The following GPT variants were observed in gnomAD, a reference collection of about 807,000 sequenced individuals.
The protein encoded by GPT is glutamic--pyruvic transaminase, also known as alanine aminotransferase 1.
In GPT, 60 loss-of-function variants were observed where a neutral mutation model predicts 51.4. The ratio of observed to expected loss-of-function variants is 1.17; its 90% CI spans 0.95 to 1.45. The LOEUF is 1.45. Ranked by LOEUF, GPT falls within the 40% of genes most tolerant of loss-of-function variation. The pLI, the probability that GPT is intolerant of heterozygous loss-of-function variation, is 0.00. For synonymous variants in GPT, 397 were observed against 303.1 expected (o/e 1.31, Z -3.22); for missense variants, 853 against 704.0 (o/e 1.21, Z -2.40).
At chr8:144,504,954 G>A (rs746166602) in intron 3 of GPT, 44 bp from the exon 4 acceptor site, 41 of 1,612,822 alleles carry the variant, frequency 2.5e-5, no homozygotes, top group Admixed American at 6.7e-5. Flanking sequence ...GAGGGCTGAG[G>A]AGAACTTCAC....
upstream of GPT, chr8:144,504,133 C>T: frequency 9.9e-6 from 7 of 705,244 alleles, no homozygotes; most frequent in Non-Finnish European, 1.7e-5. Context: ...CCCTTTCTGT[C>T]CCTCCCAGTG....
chr8:144,506,555 G>A lies in GPT; in HGVS notation c.1186G>A (p.Val396Ile), dbSNP rs769471662. The change falls in exon 9 of 11, where the codon GTC (valine) becomes ATC (isoleucine). Residue 396 changes from valine (V) to isoleucine (I), a missense_variant. Val to Ile is a conservative substitution (Grantham distance 29, BLOSUM62 3). Coordinates refer to ENST00000394955, the MANE Select transcript of GPT (RefSeq NM_005309.3). This position sits in a 1 kb window ranked among gnomAD's most constrained non-coding sequence, Gnocchi z 7.0. ...LAAKAKLTEQ[V>I]FNEAPGISCN... The stretch of plus-strand genomic sequence containing the variant: ...GGCCAAGGCCAAGCTCACCGAGCAG[G>A]TCTTCAATGAGGCTCCTGGCATCAG... The A allele has an allele frequency of 2.5e-6, 4 of 1,589,606 alleles. No individual in the cohort carries two copies. The highest frequency in any genetic ancestry group is 1.3e-5 in the African/African-American group (1 of 74,684).
rs935802591 is a variant in GPT, at chr8:144,505,488, C to G, written c.738C>G (p.Thr246=). 1 of 1,569,324 alleles carries G rather than the reference C, an allele frequency of 6.4e-7. No individual in the cohort carries two copies. The highest frequency in any genetic ancestry group is 8.6e-7 in the Non-Finnish European group (1 of 1,160,440). ...ALCVINPGNP[T]GQVQTRECIE... The stretch of plus-strand genomic sequence containing the variant: ...GTGTCATCAACCCTGGCAACCCCAC[C>G]GGTGCGTTCCCCGCCGCCCCGCCCC... The change falls in exon 5 of 11, where the codon ACC becomes ACG. Residue 246 remains threonine (T), a splice_region_variant and synonymous_variant. Transcript: ENST00000394955.
chr8:144,506,251 T>A lies in GPT; in HGVS notation c.976T>A (p.Tyr326Asn). 1 of 1,606,898 alleles carries A rather than the reference T, an allele frequency of 6.2e-7. No individual in the cohort carries two copies. Among genetic ancestry groups the A allele is most frequent in the Non-Finnish European group, 8.5e-7 (1 of 1,179,004 alleles). Residue 326 changes from tyrosine (Y) to asparagine (N), a missense_variant, in exon 8 of 11, where the codon TAT becomes AAT. Tyr to Asn is a moderately radical substitution (Grantham distance 143). Coordinates refer to ENST00000394955, the MANE Select transcript of GPT (RefSeq NM_005309.3). The surrounding 1 kb of genome is among the most constrained non-coding windows in gnomAD (Gnocchi z 7.0). ...GCGCAGGTGCGGGTTCCGCGGCGGCTATGTGGAGGTGGTGAACATGGACGC... is the reference window on the plus strand; with the variant it reads ...GCGCAGGTGCGGGTTCCGCGGCGGCAATGTGGAGGTGGTGAACATGGACGC... ...YMGECGFRGG[Y>N]VEVVNMDAAV...
chr8:144,506,140 G>C lies in GPT; in HGVS notation c.956+9G>C, dbSNP rs372885450. 6.2e-7 allele frequency: 1 copy of C among 1,610,038 alleles called. No homozygotes were observed. Among genetic ancestry groups the C allele is most frequent in the African/African-American group, 1.3e-5 (1 of 74,884 alleles). On this transcript the variant is annotated intron_variant, in intron 7 of 10. Coordinates refer to ENST00000394955, the MANE Select transcript of GPT (RefSeq NM_005309.3). This position sits in a 1 kb window ranked among gnomAD's most constrained non-coding sequence, Gnocchi z 7.0. The stretch of plus-strand genomic sequence containing the variant: ...AAGGGCTACATGGGCGAGTGCGTGC[G>C]TACGAGGCGGGTGGGGGCTCGCGGG...
rs202006693 is a variant in GPT at position 144,505,920 on chromosome 8, C to T, written c.812C>T (p.Ala271Val). ...FAFEERLFLL[A>V]DEVYQDNVYA... ...TTCGAAGAGCGGCTCTTTCTGCTGGCGGACGAGGTGCGCGGCGCGGGGGAG... is the reference window on the plus strand; with the variant it reads ...TTCGAAGAGCGGCTCTTTCTGCTGGTGGACGAGGTGCGCGGCGCGGGGGAG... Residue 271 changes from alanine (A) to valine (V), a missense_variant, in exon 6 of 11, where the codon GCG becomes GTG. Coordinates refer to ENST00000394955, the MANE Select transcript of GPT (RefSeq NM_005309.3). 176 of 1,606,944 alleles carry T rather than the reference C, an allele frequency of 1.1e-4. No individual in the cohort carries two copies. The highest frequency in any genetic ancestry group is 1.4e-4 in the Non-Finnish European group (165 of 1,177,528).
At chr8:144,503,443 A>G (rs1826631922), upstream of GPT, among the ~76,000 whole-genome samples, 1 of 152,054 alleles carries the variant, frequency 6.6e-6, no homozygotes, top group Admixed American at 6.6e-5. Context: ...GGTGTGTCCC[A>G]AGGGCAACCC....
Position 144,505,067 on chromosome 8 carries a change from A to G in GPT, c.431A>G (p.Asp144Gly). ...GTGGCGCGGTACATTGAGAGGCGTG[A>G]CGGAGGCATCCCTGCGGACCCCAAC... ...EDVARYIERR[D>G]GGIPADPNNV... Residue 144 changes from aspartate (D) to glycine (G), a missense_variant, in exon 4 of 11, where the codon GAC becomes GGC. Transcript: ENST00000394955. The G allele has an allele frequency of 6.2e-7, 1 of 1,613,144 alleles. No homozygotes were observed. The highest frequency in any genetic ancestry group is 1.1e-5 in the South Asian group (1 of 91,086).
rs1251632459 is a variant in GPT at position 144,504,261 on chromosome 8, C to T, written c.-44C>T. The T allele has an allele frequency of 1.9e-6, 3 of 1,595,206 alleles. No homozygotes were observed. Among genetic ancestry groups the T allele is most frequent in the South Asian group, 2.2e-5 (2 of 89,770 alleles). ...GCTGTCGCCATTCCCACTTCTGGTC[C>T]TGCCACCTCCTGAGCTGCCTTCCCG... On this transcript the variant is annotated 5_prime_UTR_variant, in exon 1 of 11. Coordinates refer to ENST00000394955, the MANE Select transcript of GPT (RefSeq NM_005309.3).
chr8:144,505,364 A>C lies in GPT; in HGVS notation c.614A>C (p.Asp205Ala), dbSNP rs1448150187. Residue 205 changes from aspartate to alanine, a missense_variant, in exon 5 of 11, where the codon GAT (aspartate) becomes GCT (alanine). By Grantham distance (126) the Asp-to-Ala change is moderately radical. Coordinates refer to ENST00000394955, the MANE Select transcript of GPT (RefSeq NM_005309.3). The part of the protein sequence containing the change: ...TLAELGAVQV[D>A]YYLDEERAWA... ...GCAGAGCTGGGCGCAGTGCAGGTGG[A>C]TTACTACCTGGACGAGGAGCGTGCC... is the stretch of plus-strand genomic sequence containing the variant. 1 of 1,583,508 alleles carries C rather than the reference A, an allele frequency of 6.3e-7. No homozygotes were observed. The highest frequency in any genetic ancestry group is 8.6e-7 in the Non-Finnish European group (1 of 1,165,734).
At position 144,506,276 on chromosome 8, in the gene GPT, CTGCAGTGCAGCAGCAGA is replaced by C. The variant is rs1406056943; in HGVS notation, c.1005_1021del (p.Val336GlufsTer37). The C allele has an allele frequency of 1.2e-6, 2 of 1,604,632 alleles. No individual in the cohort carries two copies. Among genetic ancestry groups the C allele is most frequent in the Middle Eastern group, 1.7e-4 (1 of 6,050 alleles). ...TATGTGGAGGTGGTGAACATGGACG[CTGCAGTGCAGCAGCAGA>C]TGCTGAAGCTGATGAGTGTGCGGCT... On this transcript the variant is annotated frameshift_variant, in exon 8 of 11. Coordinates refer to ENST00000394955, the MANE Select transcript of GPT (RefSeq NM_005309.3). LOFTEE classifies it high-confidence loss of function. This position sits in a 1 kb window ranked among gnomAD's most constrained non-coding sequence, Gnocchi z 7.0.
chr8:144,506,610 C>A lies in GPT; in HGVS notation c.1241C>A (p.Ser414Tyr), dbSNP rs1036245021. 6.4e-7 allele frequency: 1 copy of A among 1,562,664 alleles called. No individual in the cohort carries two copies. The highest frequency in any genetic ancestry group is 1.4e-5 in the African/African-American group (1 of 74,040). The change falls in exon 9 of 11, where the codon TCC (serine) becomes TAC (tyrosine). Residue 414 changes from serine (S) to tyrosine (Y), a missense_variant. By Grantham distance (144) the Ser-to-Tyr change is moderately radical (BLOSUM62 -2). Coordinates refer to ENST00000394955, the MANE Select transcript of GPT (RefSeq NM_005309.3). This position sits in a 1 kb window ranked among gnomAD's most constrained non-coding sequence, Gnocchi z 7.0. ...SCNPVQGAMYSFPRVQLPPRA... is the reference protein window; with the variant it reads ...SCNPVQGAMYYFPRVQLPPRA... ...AACCCAGTGCAGGGCGCCATGTACT[C>A]CTTCCCGCGCGTGCAGCTGCCCCCG...
chr8:144,505,312 C>G lies in GPT; in HGVS notation c.562C>G (p.Gln188Glu). 1.9e-6 allele frequency: 3 copies of G among 1,570,742 alleles called. No individual in the cohort carries two copies. Among genetic ancestry groups the G allele is most frequent in the Non-Finnish European group, 1.7e-6 (2 of 1,158,420 alleles). The change falls in exon 5 of 11, where the codon CAG becomes GAG. Residue 188 changes from glutamine to glutamate, a missense_variant. Transcript: ENST00000394955. ...CACGGGTGTGCTCATCCCCATCCCC[C>G]AGTACCCACTCTACTCGGCCACGCT... Reference protein sequence around the residue: ...TRTGVLIPIPQYPLYSATLAE... With the variant: ...TRTGVLIPIPEYPLYSATLAE...
Position 144,505,098 on chromosome 8 carries a change from C to A in GPT, c.462C>A (p.Val154=). 1 of 1,613,156 alleles carries A rather than the reference C, an allele frequency of 6.2e-7. No individual in the cohort carries two copies. Among genetic ancestry groups the A allele is most frequent in the Non-Finnish European group, 8.5e-7 (1 of 1,180,008 alleles). ...DGGIPADPNN[V]FLSTGASDAI... ...GCATCCCTGCGGACCCCAACAACGT[C>A]TTCCTGTCCACAGGGGCCAGCGATG... is the stretch of plus-strand genomic sequence containing the variant. Residue 154 remains valine, a synonymous_variant, in exon 4 of 11, where the codon GTC becomes GTA. Transcript: ENST00000394955.
rs1305498199 is a variant in GPT at position 144,506,208 on chromosome 8, C to T, written c.957-24C>T. 5 of 1,603,370 alleles carry T rather than the reference C, an allele frequency of 3.1e-6. No individual in the cohort carries two copies. The highest frequency in any genetic ancestry group is 3.4e-6 in the Non-Finnish European group (4 of 1,176,642). On this transcript the variant is annotated intron_variant, in intron 7 of 10. Transcript: ENST00000394955. The surrounding 1 kb of genome is among the most constrained non-coding windows in gnomAD (Gnocchi z 7.0). ...TCGCCCGATGGGCCACCCCCTCCTC[C>T]GCACCTGACCTGGCCGTGCGCAGGT...
At position 144,504,397 on chromosome 8, in the gene GPT, G is replaced by C; in HGVS notation, c.93G>C (p.Arg31=). 3.7e-6 allele frequency: 6 copies of C among 1,611,800 alleles called. No individual in the cohort carries two copies. Among genetic ancestry groups the C allele is most frequent in the Non-Finnish European group, 5.1e-6 (6 of 1,179,960 alleles). The change falls in exon 1 of 11, where the codon CGG becomes CGC. Residue 31 remains arginine, a synonymous_variant. Coordinates refer to ENST00000394955, the MANE Select transcript of GPT (RefSeq NM_005309.3). The part of the protein sequence containing the change: ...LTLDGMNPRV[R]RVEYAVRGPI... The stretch of plus-strand genomic sequence containing the variant: ...TGGACGGCATGAACCCGCGTGTGCG[G>C]AGAGTGGAGTACGCAGTGCGTGGCC...
chr8:144,504,272 T>C lies in GPT; in HGVS notation c.-33T>C, dbSNP rs1460713786. 2 of 1,601,508 alleles carry C rather than the reference T, an allele frequency of 1.2e-6. No homozygotes were observed. The highest frequency in any genetic ancestry group is 1.7e-5 in the Admixed American group (1 of 59,698). ...TCCCACTTCTGGTCCTGCCACCTCCTGAGCTGCCTTCCCGCCTGGTCTGGG... is the reference window on the plus strand; with the variant it reads ...TCCCACTTCTGGTCCTGCCACCTCCCGAGCTGCCTTCCCGCCTGGTCTGGG... On this transcript the variant is annotated 5_prime_UTR_variant, in exon 1 of 11. Coordinates refer to ENST00000394955, the MANE Select transcript of GPT (RefSeq NM_005309.3).
At position 144,507,141 on chromosome 8, in the gene GPT, C is replaced by T. The variant is rs1232759989; in HGVS notation, c.*141C>T. On this transcript the variant is annotated 3_prime_UTR_variant, in exon 11 of 11. Coordinates refer to ENST00000394955, the MANE Select transcript of GPT (RefSeq NM_005309.3). ...GCTGGGCCCCTGCCTCTCTGCAGGT[C>T]CCTAATAAAGCTGTGTGGCAGTCTG... 3 of 698,204 alleles carry T rather than the reference C, an allele frequency of 4.3e-6. No individual in the cohort carries two copies. Among genetic ancestry groups the T allele is most frequent in the East Asian group, 2.7e-5 (1 of 36,746 alleles). 43.3% of individuals were successfully genotyped at this position (698,204 alleles called of 1,614,324 possible). A position where few individuals can be genotyped will look rare whatever the true frequency, so the allele number is the denominator to read the frequency against.
Position 144,505,246 on chromosome 8 carries a change from A to G in GPT, c.496A>G (p.Thr166Ala), listed in dbSNP as rs1162491027. Residue 166 changes from threonine to alanine, a missense_variant and splice_region_variant, in exon 5 of 11, where the codon ACG becomes GCG. Transcript: ENST00000394955. ...LSTGASDAIVTVLKLLVAGEG... is the reference protein window; with the variant it reads ...LSTGASDAIVAVLKLLVAGEG... ...CCTGCCTTCCCCTTCCTTTCCGCAGACGGTGCTGAAGCTGCTGGTGGCCGG... is the reference window on the plus strand; with the variant it reads ...CCTGCCTTCCCCTTCCTTTCCGCAGGCGGTGCTGAAGCTGCTGGTGGCCGG... 2 of 1,606,768 alleles carry G rather than the reference A, an allele frequency of 1.2e-6. No homozygotes were observed. Among genetic ancestry groups the G allele is most frequent in the East Asian group, 2.2e-5 (1 of 44,490 alleles).
Sources: gnomAD v4.1 joint callset for allele counts (sites outside exome capture counted in the v4.1 genomes callset) on GRCh38, gnomAD v4.1.1 for gene constraint, Gnocchi (gnomAD v3.1) non-coding constraint, MANE v1.5 for transcripts, NCBI Gene and HGNC (gene_info 2026-07-23, HGNC 2026-07-21) for gene names.